The following ME1 variants were observed in gnomAD, a reference collection of about 807,000 sequenced individuals.
The protein encoded by ME1 is malic enzyme 1, also known as NADP-dependent malic enzyme.
ME1 carries 74 observed loss-of-function variants against 66.4 expected under a neutral mutation model. That is an observed-to-expected ratio of 1.11 (90% CI 0.92 to 1.35). ME1 has a LOEUF of 1.35. ME1 is among the 40% of genes most tolerant of loss of function. The probability of loss-of-function intolerance (pLI) is 0.00; values close to 1 mark genes in which losing one functional copy is unlikely to be tolerated. For missense variants in ME1, 750 were observed against 694.1 expected (o/e 1.08, Z -0.90); for synonymous variants, 251 against 235.6 (o/e 1.07, Z -0.60).
chr6:83,357,974 T>TATATATATATATATATA (rs1768931234), intron 3 of ME1, among the ~76,000 whole-genome samples: 8 of 123,594 alleles, frequency 6.5e-5, no homozygotes, highest in Non-Finnish European at 1.0e-4. Context: ...TATATATATA[T>TATATATATATATATATA]TTCATTAGTT....
At chr6:83,331,311 C>T (rs1201422911) in intron 5 of ME1, among the ~76,000 whole-genome samples, 1 of 151,938 alleles carries the variant, frequency 6.6e-6, no homozygotes, top group Non-Finnish European at 1.5e-5. Flanking sequence ...GGAAATTGGC[C>T]GGGTGCGGTG....
chr6:83,243,950 A>C (rs1790567398), intron 7 of ME1, among the ~76,000 whole-genome samples: 1 of 148,806 alleles, frequency 6.7e-6, no homozygotes, highest in Non-Finnish European at 1.5e-5. Context: ...TCTAGAAGAT[A>C]GTCAACTTCC....
At chr6:83,289,161 C>A (rs1767452561) in intron 6 of ME1, among the ~76,000 whole-genome samples, 1 of 152,192 alleles carries the variant, frequency 6.6e-6, no homozygotes, top group Admixed American at 6.5e-5. Flanking sequence ...TGCTTGATGG[C>A]CCTGGCCAGA....
chr6:83,418,572 A>T (rs747188250), intron 1 of ME1, among the ~76,000 whole-genome samples: 2 of 152,212 alleles, frequency 1.3e-5, no homozygotes, highest in Non-Finnish European at 2.9e-5. Flanking sequence ...ACACTACAAG[A>T]GTTACAAGAG....
intron 6 of ME1, among the ~76,000 whole-genome samples, chr6:83,294,774 GCTC>G (rs1414979885): frequency 1.3e-5 from 2 of 152,058 alleles, no homozygotes; most frequent in Admixed American, 1.3e-4. Flanking sequence ...GACTCCCCCT[GCTC>G]CTCAATAGGC....
intron 9 of ME1, among the ~76,000 whole-genome samples, chr6:83,233,728 T>G (rs1001876814): frequency 2.6e-5 from 4 of 151,566 alleles, no homozygotes; most frequent in African/African-American, 7.2e-5. Context: ...TTAATAAAAT[T>G]AATAAAATTA....
intron 6 of ME1, among the ~76,000 whole-genome samples, chr6:83,260,315 GC>G (rs1766860248): frequency 6.6e-6 from 1 of 152,030 alleles, no homozygotes; most frequent in Admixed American, 6.6e-5. Flanking sequence ...AACTAAAGTG[GC>G]TATTTAGTAT....
intron 3 of ME1, among the ~76,000 whole-genome samples, chr6:83,388,887 G>C (rs1321021299): frequency 6.6e-6 from 1 of 152,124 alleles, no homozygotes; most frequent in Non-Finnish European, 1.5e-5. Context: ...AGGCCAAGAT[G>C]GATGGATCTC....
At chr6:83,217,892 A>T (rs1790023648) in intron 12 of ME1, among the ~76,000 whole-genome samples, 1 of 152,202 alleles carries the variant, frequency 6.6e-6, no homozygotes, top group Non-Finnish European at 1.5e-5. Context: ...CCCGTCGGTG[A>T]CTAAGGACTT....
At chr6:83,293,980 G>T (rs1767550837) in intron 6 of ME1, among the ~76,000 whole-genome samples, 1 of 152,170 alleles carries the variant, frequency 6.6e-6, no homozygotes, top group Admixed American at 6.5e-5. Context: ...TACAGTTATA[G>T]TCTAATCCAG....
chr6:83,352,145 GAAAAAAAA>G lies in ME1; in HGVS notation c.363-14_363-7del. ...GGATAGTAATAAAGAGACCTCTGCA[GAAAAAAAA>G]AAAAAAAAAGGAGTAGTTTACATTT... On this transcript the variant is annotated splice_region_variant and splice_polypyrimidine_tract_variant and intron_variant, in intron 3 of 13. Coordinates refer to ENST00000369705, the MANE Select transcript of ME1 (RefSeq NM_002395.6). 3 of 939,452 alleles carry G rather than the reference GAAAAAAAA, an allele frequency of 3.2e-6. No homozygotes were observed. The highest frequency in any genetic ancestry group is 3.6e-5 in the East Asian group (1 of 27,580). 58.2% of individuals were successfully genotyped at this position (939,452 alleles called of 1,614,324 possible).
Position 83,212,014 on chromosome 6 carries a change from C to G in ME1, c.1629G>C (p.Gln543His), listed in dbSNP as rs755343417. The part of the protein sequence containing the change: ...PQNKEAFVRS[Q>H]MYSTDYDQIL... ...TCTGGTCATAATCAGTACTATACAT[C>G]TGGGAGCGGACAAATGCTTCTTTGT... Residue 543 changes from glutamine (Q) to histidine (H), a missense_variant, in exon 14 of 14, where the codon CAG (glutamine) becomes CAC (histidine). By Grantham distance (24) the Gln-to-His change is conservative. Coordinates refer to ENST00000369705, the MANE Select transcript of ME1 (RefSeq NM_002395.6). 2.5e-6 allele frequency: 4 copies of G among 1,613,166 alleles called. No individual in the cohort carries two copies. The highest frequency in any genetic ancestry group is 1.7e-5 in the Admixed American group (1 of 59,998).
chr6:83,356,191 C>A (rs1257366055), intron 3 of ME1, among the ~76,000 whole-genome samples: 1 of 151,896 alleles, frequency 6.6e-6, no homozygotes, highest in African/African-American at 2.4e-5. Context: ...AGTTTATGAC[C>A]CTGATCCTGG....
At chr6:83,355,784 A>G (rs946510945) in intron 3 of ME1, among the ~76,000 whole-genome samples, 1 of 152,172 alleles carries the variant, frequency 6.6e-6, no homozygotes, top group Non-Finnish European at 1.5e-5. Context: ...ACATATATAC[A>G]GTTATAAAAT....
intron 3 of ME1, among the ~76,000 whole-genome samples, chr6:83,387,163 G>A (rs1397463961): frequency 6.6e-6 from 1 of 151,890 alleles, no homozygotes; most frequent in African/African-American, 2.4e-5. Context: ...GCTTAATCAA[G>A]CAAAATTACC....
chr6:83,315,545 A>G, intron 5 of ME1, 132 bp from the exon 6 acceptor site: 1 of 605,424 alleles, frequency 1.7e-6, no homozygotes, highest in Non-Finnish European at 2.9e-6. Context: ...GAATTAACCT[A>G]CAGGGTAATT....
At chr6:83,288,968 AG>A (rs1562470478) in intron 6 of ME1, among the ~76,000 whole-genome samples, 1 of 152,132 alleles carries the variant, frequency 6.6e-6, no homozygotes, top group African/African-American at 2.4e-5. Flanking sequence ...ATTGGTGTAT[AG>A]GAATGCTCAT....
intron 3 of ME1, among the ~76,000 whole-genome samples, chr6:83,396,833 A>C (rs1267239459): frequency 6.6e-6 from 1 of 152,180 alleles, no homozygotes; most frequent in East Asian, 1.9e-4. Context: ...GACAGCCCAG[A>C]AATAAATCCA....
intron 6 of ME1, among the ~76,000 whole-genome samples, chr6:83,284,869 G>T (rs1437312855): frequency 3.3e-5 from 5 of 152,034 alleles, no homozygotes; most frequent in Admixed American, 2.0e-4. Context: ...GCAATAAAAA[G>T]AAATAAAAGG....
Sources: gnomAD v4.1 joint callset for allele counts (sites outside exome capture counted in the v4.1 genomes callset) on GRCh38, gnomAD v4.1.1 for gene constraint, MANE v1.5 for transcripts, NCBI Gene and HGNC (gene_info 2026-07-23, HGNC 2026-07-21) for gene names.